Variants in SEMA6D observed in about 807,000 individuals in gnomAD.
SEMA6D encodes semaphorin 6D.
A neutral mutation model predicts 106.6 loss-of-function variants in SEMA6D; 35 were observed. The ratio of observed to expected loss-of-function variants is 0.33; its 90% CI spans 0.25 to 0.44. The LOEUF (loss-of-function observed/expected upper bound fraction) is 0.44. Ranked by LOEUF, SEMA6D falls within the 20% of genes least tolerant of loss-of-function variation. The probability of loss-of-function intolerance (pLI) is 1.00; values close to 1 mark genes in which losing one functional copy is unlikely to be tolerated. For synonymous variants in SEMA6D, 499 were observed against 487.7 expected (o/e 1.02, Z -0.31); for missense variants, 1,185 against 1,345.9 (o/e 0.88, Z 1.87).
At chr15:47,199,202 C>A (rs143535793) in intron 1 of SEMA6D, among the ~76,000 whole-genome samples, 1 of 152,088 alleles carries the variant, frequency 6.6e-6, no homozygotes, top group South Asian at 2.1e-4. Context: ...GTTAAATAGA[C>A]CTATTGGCTA....
chr15:47,375,429 C>T (rs1392238924), intron 1 of SEMA6D, among the ~76,000 whole-genome samples: 1 of 152,074 alleles, frequency 6.6e-6, no homozygotes, highest in East Asian at 1.9e-4. Flanking sequence ...TCAAAGTCTC[C>T]TCCTCCTTTC....
intron 1 of SEMA6D, chr15:47,359,945 C>T (rs1430014283): frequency 4.6e-5 from 7 of 152,182 alleles, no homozygotes; most frequent in Admixed American, 1.3e-4. Flanking sequence ...TTCACTTCCA[C>T]AGGCATTGCT....
At chr15:47,730,350 T>A in intron 1 of SEMA6D, 2 of 1,453,022 alleles carry the variant, frequency 1.4e-6, no homozygotes, top group Admixed American at 3.4e-5. Flanking sequence ...GTGGTGCAGG[T>A]CTTCCTGTGG....
intron 3 of SEMA6D, among the ~76,000 whole-genome samples, chr15:47,548,093 T>C (rs1204707671): frequency 1.3e-5 from 2 of 152,286 alleles, no homozygotes; most frequent in East Asian, 3.9e-4. Flanking sequence ...TAAGATAAGA[T>C]GGTGTGCTCT....
At chr15:47,761,493 G>A in intron 6 of SEMA6D, 62 bp downstream of exon 6, 1 of 1,384,984 alleles carries the variant, frequency 7.2e-7, no homozygotes, top group East Asian at 2.3e-5. Flanking sequence ...CTGATATGCT[G>A]TTAGAGTTGA....
intron 3 of SEMA6D, among the ~76,000 whole-genome samples, chr15:47,582,836 C>A (rs1176428600): frequency 6.6e-6 from 1 of 152,140 alleles, no homozygotes. Flanking sequence ...CATACTTGTT[C>A]TCCACTGCCT....
intron 3 of SEMA6D, among the ~76,000 whole-genome samples, chr15:47,508,976 AC>A (rs1484801540): frequency 6.6e-6 from 1 of 151,700 alleles, no homozygotes; most frequent in East Asian, 1.9e-4. Flanking sequence ...CAGAACTGAA[AC>A]TCAGTATTTT....
intron 1 of SEMA6D, among the ~76,000 whole-genome samples, chr15:47,302,921 A>G (rs1015562247): frequency 6.6e-6 from 1 of 152,174 alleles, no homozygotes; most frequent in African/African-American, 2.4e-5. Context: ...TTATTATAGC[A>G]GCCACAGAAA....
At chr15:47,391,718 G>A (rs1187266880) in intron 1 of SEMA6D, among the ~76,000 whole-genome samples, 1 of 148,204 alleles carries the variant, frequency 6.7e-6, no homozygotes, top group African/African-American at 2.5e-5. Context: ...CTACACAAAT[G>A]CATTTTTTGC....
At chr15:47,285,713 T>C (rs570101557) in intron 1 of SEMA6D, among the ~76,000 whole-genome samples, 1 of 152,294 alleles carries the variant, frequency 6.6e-6, no homozygotes. Flanking sequence ...AATTGCCAGG[T>C]GGCCACTCCA....
intron 3 of SEMA6D, among the ~76,000 whole-genome samples, chr15:47,551,107 T>A (rs1435747): frequency 1.3e-5 from 2 of 152,170 alleles, no homozygotes; most frequent in African/African-American, 4.8e-5. Flanking sequence ...AAGGTTTTCA[T>A]CTTTTGATTG....
At chr15:47,545,580 C>T (rs1462288821) in intron 3 of SEMA6D, among the ~76,000 whole-genome samples, 1 of 152,084 alleles carries the variant, frequency 6.6e-6, no homozygotes, top group African/African-American at 2.4e-5. Context: ...ATTCTGTAGT[C>T]TTCTTTTACT....
At chr15:47,633,261 T>C in intron 4 of SEMA6D, among the ~76,000 whole-genome samples, 1 of 152,076 alleles carries the variant, frequency 6.6e-6, no homozygotes, top group East Asian at 1.9e-4. Flanking sequence ...CTGTTATTAT[T>C]TCCTTTCTTC....
chr15:47,759,779 T>A lies in SEMA6D; in HGVS notation c.-20T>A. Reference sequence around the variant, plus strand: ...TGGCATTTCTGAGCAGGGGCCACCCTGACTTCACCTTGGCCCACCATGAGG... The same window carrying A: ...TGGCATTTCTGAGCAGGGGCCACCCAGACTTCACCTTGGCCCACCATGAGG... On this transcript the variant is annotated 5_prime_UTR_variant, in exon 2 of 19. Transcript: ENST00000536845. The A allele has an allele frequency of 6.3e-7, 1 of 1,598,056 alleles. No individual in the cohort carries two copies. Among genetic ancestry groups the A allele is most frequent in the Non-Finnish European group, 8.6e-7 (1 of 1,165,516 alleles).
intron 1 of SEMA6D, among the ~76,000 whole-genome samples, chr15:47,297,503 A>T (rs2219152): frequency 2.6e-5 from 4 of 152,166 alleles, no homozygotes; most frequent in Admixed American, 2.0e-4. Context: ...AAACGACATG[A>T]TGTTTTGCCT....
chr15:47,625,092 A>AT lies in SEMA6D; in HGVS notation c.-55+24205dup, dbSNP rs35264048. Among the ~76,000 whole-genome samples the AT allele has an allele frequency of 1.8e-3, 271 of 151,686 alleles. 1 individual carries two copies. The highest frequency in any genetic ancestry group is 5.7e-3 in the African/African-American group (235 of 41,398). Reference sequence around the variant, plus strand: ...TAGAGATTTTTTAATAAGAAAGCTGATTTTTTTTTATGTTCAGAAAAGACC... The same window carrying AT: ...TAGAGATTTTTTAATAAGAAAGCTGATTTTTTTTTTATGTTCAGAAAAGACC... On this transcript the variant is annotated intron_variant, in intron 4 of 19. Transcript: ENST00000558014.
intron 1 of SEMA6D, among the ~76,000 whole-genome samples, chr15:47,367,325 A>C (rs1357997225): frequency 2.0e-5 from 3 of 152,152 alleles, no homozygotes; most frequent in Non-Finnish European, 4.4e-5. Context: ...TACTCTGAAT[A>C]GATTATTAAT....
chr15:47,237,939 A>G (rs950164304), intron 1 of SEMA6D, among the ~76,000 whole-genome samples: 1 of 152,094 alleles, frequency 6.6e-6, no homozygotes, highest in Non-Finnish European at 1.5e-5. Context: ...GTAGCAACCA[A>G]AGAACTAGCA....
chr15:47,294,629 G>A (rs1230044736), intron 1 of SEMA6D, among the ~76,000 whole-genome samples: 2 of 152,116 alleles, frequency 1.3e-5, no homozygotes, highest in African/African-American at 4.8e-5. Flanking sequence ...AATAACTCTT[G>A]TAAATAATGA....
Sources: allele counts gnomAD v4.1 joint callset (sites outside exome capture counted in the v4.1 genomes callset), GRCh38; gene constraint gnomAD v4.1.1; transcripts MANE v1.5; gene names NCBI Gene and HGNC (gene_info 2026-07-23, HGNC 2026-07-21).